Variants in CHMP5 observed in about 807,000 individuals in gnomAD.
CHMP5 encodes the protein SNF7 domain containing 2.
CHMP5 carries 17 observed loss-of-function variants against 33.0 expected under a neutral mutation model. That is an observed-to-expected ratio of 0.52 (90% CI 0.35 to 0.77). The LOEUF (loss-of-function observed/expected upper bound fraction) is 0.77, where lower values mean the gene tolerates loss of function less well. Ranked by LOEUF, CHMP5 falls within the 30% of genes least tolerant of loss-of-function variation. The pLI is 0.01. For missense variants in CHMP5, 216 were observed against 261.5 expected, an observed-to-expected ratio of 0.83 and a Z score of 1.20; for synonymous variants, 76 against 90.2, an observed-to-expected ratio of 0.84 and a Z score of 0.89.
chr9:33,265,334 G>A (rs1416206040), intron 1 of CHMP5, among the ~76,000 whole-genome samples, 187 bp downstream of exon 1: 1 of 151,718 alleles, frequency 6.6e-6, no homozygotes, highest in Admixed American at 6.6e-5. Context: ...CCACAAACCA[G>A]GGAACCCCTA....
intron 7 of CHMP5, 58 bp from the exon 8 acceptor site, chr9:33,280,751 C>T: frequency 1.5e-5 from 17 of 1,132,284 alleles, no homozygotes; most frequent in East Asian, 6.0e-5. Flanking sequence ...GTTTGTAATC[C>T]TTTTTTTTTT....
At chr9:33,267,951 T>C (rs1409164343) in intron 3 of CHMP5, 52 bp downstream of exon 3, 2 of 1,209,056 alleles carry the variant, frequency 1.7e-6, no homozygotes, top group Admixed American at 1.7e-5. Flanking sequence ...AAAAGAGAAA[T>C]GGTCTTCCAT....
chr9:33,270,578 T>G, intron 3 of CHMP5, 45 bp from the exon 4 acceptor site: 3 of 1,413,990 alleles, frequency 2.1e-6, no homozygotes, highest in Non-Finnish European at 3.0e-6. Flanking sequence ...CTTGAGGATT[T>G]CTATCTGGTT....
chr9:33,275,485 G>A (rs1820842427), intron 5 of CHMP5, among the ~76,000 whole-genome samples: 1 of 152,022 alleles, frequency 6.6e-6, no homozygotes, highest in Non-Finnish European at 1.5e-5. Context: ...CACTTCAGTT[G>A]TTTCTACTCT....
At chr9:33,267,166 C>T (rs997995509) in intron 2 of CHMP5, among the ~76,000 whole-genome samples, 3 of 152,138 alleles carry the variant, frequency 2.0e-5, no homozygotes, top group Non-Finnish European at 2.9e-5. Flanking sequence ...GTTTTTCCTT[C>T]CTCACTGGAG....
At position 33,279,866 on chromosome 9, in the gene CHMP5, C is replaced by CAA. The variant is rs77706408; in HGVS notation, c.610-923_610-922dup. On this transcript the variant is annotated intron_variant, in intron 7 of 7. Coordinates refer to ENST00000223500, the MANE Select transcript of CHMP5 (RefSeq NM_016410.6). The stretch of plus-strand genomic sequence containing the variant: ...GGGCAAAAAGAGCAAAACTCAATCT[C>CAA]AAAAAAAAAAAAAAAAAAAAAGTCC... Among the ~76,000 whole-genome samples, 179 of 54,804 alleles carry CAA rather than the reference C, an allele frequency of 3.3e-3. 1 individual carries two copies. The highest frequency in any genetic ancestry group is 0.01 in the South Asian group (15 of 1,456). 36.0% of individuals were successfully genotyped at this position (54,804 alleles called of 152,430 possible).
chr9:33,268,782 T>A (rs1464189278), intron 3 of CHMP5, among the ~76,000 whole-genome samples: 3 of 152,250 alleles, frequency 2.0e-5, no homozygotes, highest in African/African-American at 7.2e-5. Flanking sequence ...AAATAAAATT[T>A]ACCTAGATTC....
chr9:33,270,135 T>C (rs1314120876), intron 3 of CHMP5, among the ~76,000 whole-genome samples: 1 of 152,242 alleles, frequency 6.6e-6, no homozygotes, highest in Non-Finnish European at 1.5e-5. Flanking sequence ...TATAAGGTTA[T>C]AATACTGTAT....
intron 3 of CHMP5, among the ~76,000 whole-genome samples, chr9:33,268,941 A>G (rs1006740064): frequency 2.0e-5 from 3 of 152,202 alleles, no homozygotes; most frequent in Non-Finnish European, 2.9e-5. Flanking sequence ...ACTTAATGTT[A>G]TATCATGAGC....
intron 6 of CHMP5, 27 bp downstream of exon 6, chr9:33,276,591 T>C (rs1820857942): frequency 3.0e-6 from 4 of 1,342,838 alleles, no homozygotes; most frequent in Non-Finnish European, 4.2e-6. Context: ...GTAATGTATA[T>C]TTAGTTTTGG....
intron 3 of CHMP5, among the ~76,000 whole-genome samples, chr9:33,270,057 CAT>C (rs1452875298): frequency 1.1e-4 from 16 of 152,186 alleles, no homozygotes; most frequent in Admixed American, 6.5e-5. Flanking sequence ...AAAATACAGT[CAT>C]GTGCTGCATA....
intron 3 of CHMP5, among the ~76,000 whole-genome samples, chr9:33,268,315 T>C (rs1564085436): frequency 2.0e-5 from 3 of 152,238 alleles, no homozygotes; most frequent in Admixed American, 6.5e-5. Flanking sequence ...TGTACCTTTT[T>C]TGTTTTTGTT....
chr9:33,272,661 G>A (rs1410390323), intron 5 of CHMP5, among the ~76,000 whole-genome samples: 3 of 152,012 alleles, frequency 2.0e-5, no homozygotes, highest in Non-Finnish European at 2.9e-5. Context: ...AAAATTAGCC[G>A]AGCATGGTGG....
At chr9:33,268,604 T>G (rs2118017228) in intron 3 of CHMP5, among the ~76,000 whole-genome samples, 1 of 152,342 alleles carries the variant, frequency 6.6e-6, no homozygotes, top group South Asian at 2.1e-4. Context: ...CCTTTTAGAT[T>G]AGATCAAATT....
intron 6 of CHMP5, 113 bp from the exon 7 acceptor site, chr9:33,278,000 A>G (rs774875639): frequency 3.2e-5 from 21 of 661,474 alleles, no homozygotes; most frequent in Non-Finnish European, 5.4e-5. Flanking sequence ...GCATACAACA[A>G]TCTCATGCCC....
intron 2 of CHMP5, among the ~76,000 whole-genome samples, chr9:33,266,911 C>G (rs1442064705): frequency 6.6e-6 from 1 of 152,176 alleles, no homozygotes; most frequent in Non-Finnish European, 1.5e-5. Context: ...ACATAAAATA[C>G]TGTGTTTAAG....
At position 33,281,821 on chromosome 9, in the gene CHMP5, T is replaced by C. The variant is rs1449175538; in HGVS notation, c.*962T>C. 2.0e-5 allele frequency: 3 copies of C among 152,248 alleles called. No homozygotes were observed. The highest frequency in any genetic ancestry group is 7.2e-5 in the African/African-American group (3 of 41,458). The allele number at this position is 152,248 out of a possible 1,614,324, so 9.4% of individuals were successfully genotyped here. ...GTACCTTGTTAACTGCAAGGGGCTA[T>C]TCTTATATGAGGGATTGTTAACAAT... On this transcript the variant is annotated 3_prime_UTR_variant, in exon 8 of 8. Coordinates refer to ENST00000223500, the MANE Select transcript of CHMP5 (RefSeq NM_016410.6).
chr9:33,279,724 G>A (rs954228132), intron 7 of CHMP5, among the ~76,000 whole-genome samples: 7 of 151,882 alleles, frequency 4.6e-5, no homozygotes, highest in Admixed American at 6.6e-5. Flanking sequence ...TTAGCTGGGC[G>A]TGGTGGCAGG....
intron 5 of CHMP5, among the ~76,000 whole-genome samples, chr9:33,275,538 T>C (rs1820843257): frequency 6.6e-6 from 1 of 152,230 alleles, no homozygotes; most frequent in Non-Finnish European, 1.5e-5. Context: ...TTCGCTGACT[T>C]GAGAAGAATA....
Sources: gnomAD v4.1 joint callset for allele counts (sites outside exome capture counted in the v4.1 genomes callset) on GRCh38, gnomAD v4.1.1 for gene constraint, MANE v1.5 for transcripts, NCBI Gene and HGNC (gene_info 2026-07-23, HGNC 2026-07-21) for gene names.